FLNB: variants seen among roughly 807,000 people sequenced by gnomAD.
FLNB encodes the protein filamin-B.
Under a neutral mutation model 250.6 loss-of-function variants are expected in FLNB, and 111 were observed. That is an observed-to-expected ratio of 0.44 (90% CI 0.38 to 0.52). The LOEUF (loss-of-function observed/expected upper bound fraction) is 0.52, where lower values mean the gene tolerates loss of function less well. FLNB is among the 20% of genes least tolerant of loss of function. FLNB has a pLI of 0.00. For synonymous variants in FLNB, 1,302 were observed against 1,372.1 expected (o/e 0.95, Z 1.13); for missense variants, 2,869 against 3,447.8 (o/e 0.83, Z 4.20).
At chr3:58,160,460 C>T (rs2097359586) in intron 42 of FLNB, among the ~76,000 whole-genome samples, 1 of 152,076 alleles carries the variant, frequency 6.6e-6, no homozygotes, top group Non-Finnish European at 1.5e-5. Flanking sequence ...TAGTGAAGGC[C>T]TGGCCAAAAA....
chr3:58,058,755 T>C (rs576226457), intron 1 of FLNB, among the ~76,000 whole-genome samples: 1 of 152,346 alleles, frequency 6.6e-6, no homozygotes, highest in South Asian at 2.1e-4. Flanking sequence ...CCACAGAAAG[T>C]TGTAGATTAG....
intron 1 of FLNB, among the ~76,000 whole-genome samples, chr3:58,066,093 A>G (rs2097185209): frequency 6.6e-6 from 1 of 152,196 alleles, no homozygotes; most frequent in Non-Finnish European, 1.5e-5. Context: ...CAGCAACAGA[A>G]TGAGTTTGTA....
chr3:58,125,452 C>A (rs2097296168), intron 22 of FLNB, 129 bp from the exon 23 acceptor site: 16 of 1,122,890 alleles, frequency 1.4e-5, no homozygotes, highest in South Asian at 1.3e-4. Context: ...TGTTTTTAAC[C>A]CCCTTTTCCA....
intron 1 of FLNB, among the ~76,000 whole-genome samples, chr3:58,010,993 C>T (rs890976572): frequency 1.3e-5 from 2 of 152,204 alleles, no homozygotes; most frequent in African/African-American, 4.8e-5. Flanking sequence ...CTGCTCACTG[C>T]AACCTCCACC....
rs755942189 is a variant in FLNB at position 58,121,316 on chromosome 3, C to T, written c.2939C>T (p.Thr980Ile). Residue 980 changes from threonine (T) to isoleucine (I), a missense_variant, in exon 20 of 46, where the codon ACA becomes ATA. Thr to Ile is a moderately conservative substitution (Grantham distance 89, BLOSUM62 -1). Transcript: ENST00000295956. ...GGAGGCCAGGGGAAGCTGGACGTGA[C>T]AATCCTCAGCCCCTCTCGGAAGGTC... ...GAGGQGKLDV[T>I]ILSPSRKVVP... 2 of 1,614,160 alleles carry T rather than the reference C, an allele frequency of 1.2e-6. No individual in the cohort carries two copies. The highest frequency in any genetic ancestry group is 8.5e-7 in the Non-Finnish European group (1 of 1,180,036).
rs373474943 is a variant in FLNB, at chr3:58,145,904, G to A, written c.5426-17G>A. ...CTTAATGAGCACCAATTTTGTTTGT[G>A]TCCTTCGTAAACCCAGAGAGCCCAC... On this transcript the variant is annotated splice_polypyrimidine_tract_variant and intron_variant, in intron 32 of 45. Transcript: ENST00000295956. The A allele has an allele frequency of 5.6e-6, 9 of 1,613,978 alleles. No homozygotes were observed. The highest frequency in any genetic ancestry group is 1.1e-5 in the South Asian group (1 of 91,076).
At chr3:58,096,290 G>C in intron 6 of FLNB, 72 bp downstream of exon 6, 1 of 1,080,124 alleles carries the variant, frequency 9.3e-7, no homozygotes, top group Non-Finnish European at 1.4e-6. Context: ...CCAGGAAGAA[G>C]AGTGTTTTTC....
At position 58,063,247 on chromosome 3, in the gene FLNB, C is replaced by T. The variant is rs566447027; in HGVS notation, c.293-13799C>T. Among the ~76,000 whole-genome samples the T allele has an allele frequency of 3.3e-5, 5 of 152,312 alleles. No individual in the cohort carries two copies. In the East Asian group the frequency reaches 7.7e-4, roughly 23 times the overall value. On this transcript the variant is annotated intron_variant, in intron 1 of 45. Coordinates refer to ENST00000295956, the MANE Select transcript of FLNB (RefSeq NM_001457.4). ...CTTGGCCACCAGTTACTTCAGCCAGCGACCTGCCCTTTCTTTGAGTGGGTT... is the reference window on the plus strand; with the variant it reads ...CTTGGCCACCAGTTACTTCAGCCAGTGACCTGCCCTTTCTTTGAGTGGGTT...
At chr3:58,012,968 C>T (rs1010784555) in intron 1 of FLNB, among the ~76,000 whole-genome samples, 3 of 152,210 alleles carry the variant, frequency 2.0e-5, no homozygotes, top group African/African-American at 4.8e-5. Flanking sequence ...TATTGATTCA[C>T]ATTTGTGGTT....
intron 1 of FLNB, among the ~76,000 whole-genome samples, chr3:58,027,119 G>C (rs1000530377): frequency 6.6e-6 from 1 of 151,844 alleles, no homozygotes. Context: ...TGGCAAGATT[G>C]CAGGTCCCAG....
chr3:58,158,889 C>T (rs920177420), intron 41 of FLNB, among the ~76,000 whole-genome samples: 2 of 152,046 alleles, frequency 1.3e-5, no homozygotes, highest in African/African-American at 4.8e-5. Flanking sequence ...GGGCTAGGCC[C>T]TGTGATAAAT....
intron 1 of FLNB, among the ~76,000 whole-genome samples, chr3:58,072,430 T>C (rs1369399847): frequency 6.6e-6 from 1 of 152,258 alleles, no homozygotes; most frequent in African/African-American, 2.4e-5. Flanking sequence ...CTTAAGGTTC[T>C]GCTCCATGTT....
At chr3:58,102,094 AT>A (rs2097252076) in intron 8 of FLNB, 108 bp from the exon 9 acceptor site, 1 of 1,298,942 alleles carries the variant, frequency 7.7e-7, no homozygotes, top group Admixed American at 1.8e-5. Flanking sequence ...ACTGCATACT[AT>A]TTGTGCAAAG....
intron 32 of FLNB, 70 bp from the exon 33 acceptor site, chr3:58,145,851 G>A (rs2097335011): frequency 6.2e-7 from 1 of 1,604,790 alleles, no homozygotes; most frequent in African/African-American, 1.3e-5. Context: ...ACGTCAAGAT[G>A]CCAGTTGTCC....
At chr3:58,147,321 A>G (rs2097337338) in intron 34 of FLNB, among the ~76,000 whole-genome samples, 1 of 152,228 alleles carries the variant, frequency 6.6e-6, no homozygotes, top group Non-Finnish European at 1.5e-5. Flanking sequence ...GAGCTTAGAC[A>G]TGCCCTTCAG....
intron 18 of FLNB, among the ~76,000 whole-genome samples, chr3:58,114,304 T>C (rs2097274194): frequency 6.6e-6 from 1 of 152,168 alleles, no homozygotes; most frequent in Non-Finnish European, 1.5e-5. Flanking sequence ...TGTTTCACCA[T>C]GTTGGCCAAG....
chr3:58,132,939 C>T lies in FLNB; in HGVS notation c.4514+8C>T, dbSNP rs2097309868. The T allele has an allele frequency of 6.2e-7, 1 of 1,610,216 alleles. No individual in the cohort carries two copies. Among genetic ancestry groups the T allele is most frequent in the African/African-American group, 1.3e-5 (1 of 74,884 alleles). Reference sequence around the variant, plus strand: ...TGAAGAGATTCCTCGCAGGTAAGCTCCATCCATCTGCCCATCCATTCCTCC... The same window carrying T: ...TGAAGAGATTCCTCGCAGGTAAGCTTCATCCATCTGCCCATCCATTCCTCC... On this transcript the variant is annotated splice_region_variant and intron_variant, in intron 26 of 45. Coordinates refer to ENST00000295956, the MANE Select transcript of FLNB (RefSeq NM_001457.4).
intron 9 of FLNB, 117 bp from the exon 10 acceptor site, chr3:58,103,842 G>C (rs551264125): frequency 3.9e-6 from 5 of 1,268,056 alleles, no homozygotes; most frequent in Non-Finnish European, 5.7e-6. Context: ...CAGCCCACTT[G>C]GTTTTTATGT....
chr3:58,081,850 G>A (rs373034402), intron 4 of FLNB, 74 bp downstream of exon 4: 20 of 1,531,812 alleles, frequency 1.3e-5, no homozygotes, highest in African/African-American at 9.5e-5. Context: ...GGCTTCAAGA[G>A]TGATGTTCTT....
Sources: gnomAD v4.1 joint callset for allele counts (sites outside exome capture counted in the v4.1 genomes callset) on GRCh38, gnomAD v4.1.1 for gene constraint, MANE v1.5 for transcripts, NCBI Gene and HGNC (gene_info 2026-07-23, HGNC 2026-07-21) for gene names.